Variants in CSNK1A1 observed in about 807,000 individuals in gnomAD.
The protein encoded by CSNK1A1 is casein kinase I isoform alpha.
A neutral mutation model predicts 46.1 loss-of-function variants in CSNK1A1; 7 were observed. The observed-to-expected ratio is 0.15, with a 90% CI of 0.09 to 0.29. CSNK1A1 has a LOEUF of 0.29. Ranked by LOEUF, CSNK1A1 falls within the 10% of genes least tolerant of loss-of-function variation. The pLI, the probability that CSNK1A1 is intolerant of heterozygous loss-of-function variation, is 1.00. For missense variants in CSNK1A1, 96 were observed against 417.1 expected (o/e 0.23, Z 6.71); for synonymous variants, 137 against 141.5 (o/e 0.97, Z 0.23).
At chr5:149,496,954 A>G in intron 9 of CSNK1A1, 94 bp from the exon 10 acceptor site, 2 of 1,497,536 alleles carry the variant, frequency 1.3e-6, no homozygotes, top group Non-Finnish European at 8.8e-7. Flanking sequence ...AACTGAGCCA[A>G]TAATTATAGT....
At chr5:149,498,864 TA>T in intron 9 of CSNK1A1, 6 of 985,420 alleles carry the variant, frequency 6.1e-6, no homozygotes, top group Non-Finnish European at 7.2e-6. Context: ...GTGCCTTTAA[TA>T]GCAAGAAAAC....
intron 2 of CSNK1A1, chr5:149,549,523 G>C (rs552362403): frequency 1.1e-4 from 79 of 701,910 alleles, no homozygotes; most frequent in Non-Finnish European, 1.8e-4. Flanking sequence ...GCTAAAGGAG[G>C]AATCAAGGAA....
At chr5:149,506,506 G>A (rs897026035) in intron 8 of CSNK1A1, among the ~76,000 whole-genome samples, 2 of 152,146 alleles carry the variant, frequency 1.3e-5, no homozygotes, top group African/African-American at 4.8e-5. Context: ...CAAAGTGCTG[G>A]GATTACAGGC....
At chr5:149,541,354 T>C (rs1013446980) in intron 2 of CSNK1A1, among the ~76,000 whole-genome samples, 1 of 151,872 alleles carries the variant, frequency 6.6e-6, no homozygotes, top group Non-Finnish European at 1.5e-5. Context: ...GATTTCACCA[T>C]GTTGGCCAGG....
intron 2 of CSNK1A1, among the ~76,000 whole-genome samples, chr5:149,526,109 C>G (rs1370643966): frequency 2.6e-4 from 40 of 151,998 alleles, no homozygotes; most frequent in Non-Finnish European, 1.0e-4. Context: ...TTCTTCCTTT[C>G]CCTTCCTTCC....
rs1279386565 is a variant in CSNK1A1, at chr5:149,551,192, C to T, written c.-228G>A. 7.5e-6 allele frequency: 3 copies of T among 398,330 alleles called. No individual in the cohort carries two copies. The highest frequency in any genetic ancestry group is 2.1e-5 in the African/African-American group (1 of 47,964). 24.7% of individuals were successfully genotyped at this position (398,330 alleles called of 1,614,324 possible). On this transcript the variant is annotated 5_prime_UTR_variant, in exon 1 of 10. Transcript: ENST00000377843. ...CCGCAGTTTGTGAAGGGCTTCTCGG[C>T]GGTTACCAGGCTGGGCCACTTGTTT...
chr5:149,501,392 A>T, intron 9 of CSNK1A1: 1 of 985,456 alleles, frequency 1.0e-6, no homozygotes, highest in Non-Finnish European at 1.2e-6. Flanking sequence ...TTCCCCTGTG[A>T]TGTGGGTGTG....
At chr5:149,499,746 A>G (rs1001109349) in intron 9 of CSNK1A1, among the ~76,000 whole-genome samples, 2 of 151,894 alleles carry the variant, frequency 1.3e-5, no homozygotes, top group East Asian at 3.9e-4. Context: ...TTCGTAAATT[A>G]ATTTCAACAG....
intron 2 of CSNK1A1, among the ~76,000 whole-genome samples, chr5:149,541,351 C>T (rs1193412565): frequency 6.6e-6 from 1 of 151,858 alleles, no homozygotes; most frequent in Non-Finnish European, 1.5e-5. Context: ...CAGGATTTCA[C>T]CATGTTGGCC....
At chr5:149,513,756 C>T (rs536705579) in intron 4 of CSNK1A1, among the ~76,000 whole-genome samples, 4 of 152,082 alleles carry the variant, frequency 2.6e-5, no homozygotes, top group African/African-American at 9.6e-5. Context: ...CAAAAATAGC[C>T]GGGCATGGTG....
At chr5:149,504,301 A>G in intron 9 of CSNK1A1, 1 of 985,276 alleles carries the variant, frequency 1.0e-6, no homozygotes. Flanking sequence ...GATGAGGATG[A>G]CATCAGTTAA....
chr5:149,500,230 T>C (rs1209335159), intron 9 of CSNK1A1, among the ~76,000 whole-genome samples: 1 of 150,890 alleles, frequency 6.6e-6, no homozygotes, highest in African/African-American at 2.4e-5. Context: ...CTCCGCCTCC[T>C]GGGTTCACGC....
chr5:149,547,540 CATT>C (rs1051672383), intron 2 of CSNK1A1, among the ~76,000 whole-genome samples: 81 of 152,226 alleles, frequency 5.3e-4, no homozygotes, highest in African/African-American at 1.9e-3. Flanking sequence ...ATCTCAAAAA[CATT>C]ATGTTAAGTG....
chr5:149,527,721 C>T (rs1000867565), intron 2 of CSNK1A1, among the ~76,000 whole-genome samples: 33 of 152,098 alleles, frequency 2.2e-4, no homozygotes, highest in Non-Finnish European at 3.7e-4. Context: ...AGATCTGTCA[C>T]GAACCTACCA....
In CSNK1A1 at chr5:149,549,360, G is replaced by A. The variant is rs1311385605; in HGVS notation, c.230+715C>T. On this transcript the variant is annotated intron_variant, in intron 2 of 9. Coordinates refer to ENST00000377843, the MANE Select transcript of CSNK1A1 (RefSeq NM_001892.6). The stretch of plus-strand genomic sequence containing the variant: ...TAATTAACACTTTTAAAAGAACTAC[G>A]AAGGATTTTACATAGTGTAATTCAA... The A allele has an allele frequency of 6.2e-6, 4 of 646,856 alleles. No individual in the cohort carries two copies. The East Asian group carries it at 1.1e-4, about 18-fold the overall frequency. The allele number at this position is 646,856 out of a possible 1,614,324, so 40.1% of individuals were successfully genotyped here. A position where few individuals can be genotyped will look rare whatever the true frequency, so the allele number is the denominator to read the frequency against.
chr5:149,528,178 C>T (rs1440777720), intron 2 of CSNK1A1, among the ~76,000 whole-genome samples: 3 of 152,100 alleles, frequency 2.0e-5, no homozygotes, highest in African/African-American at 7.2e-5. Context: ...CATTATTGGG[C>T]ATTCTTCATC....
At chr5:149,504,377 A>C in intron 9 of CSNK1A1, 1 of 976,658 alleles carries the variant, frequency 1.0e-6, no homozygotes, top group Middle Eastern at 5.3e-4. Context: ...GTTTAAATAC[A>C]ACACTAAAAA....
intron 2 of CSNK1A1, among the ~76,000 whole-genome samples, chr5:149,530,783 T>A (rs955726814): frequency 1.3e-5 from 2 of 151,846 alleles, no homozygotes; most frequent in African/African-American, 4.8e-5. Context: ...CTGACCAATA[T>A]GGTGAAACCC....
At chr5:149,548,645 G>A (rs1235321793) in intron 2 of CSNK1A1, among the ~76,000 whole-genome samples, 2 of 152,182 alleles carry the variant, frequency 1.3e-5, no homozygotes, top group Non-Finnish European at 2.9e-5. Flanking sequence ...CAGATCACCT[G>A]AGGTCAGGAG....
Sources: gnomAD v4.1 joint callset for allele counts (sites outside exome capture counted in the v4.1 genomes callset) on GRCh38, gnomAD v4.1.1 for gene constraint, MANE v1.5 for transcripts, NCBI Gene and HGNC (gene_info 2026-07-23, HGNC 2026-07-21) for gene names.